B4GALNT1: variants seen among roughly 807,000 people sequenced by gnomAD.
B4GALNT1 encodes beta-1,4-N-acetyl-galactosaminyltransferase 1, also known as beta-1,4 N-acetylgalactosaminyltransferase 1.
A neutral mutation model predicts 55.2 loss-of-function variants in B4GALNT1; 43 were observed. That is an observed-to-expected ratio of 0.78 (90% CI 0.61 to 1.00). The LOEUF (loss-of-function observed/expected upper bound fraction) is 1.00, where lower values mean the gene tolerates loss of function less well. B4GALNT1 is among the 50% of genes least tolerant of loss of function. B4GALNT1 has a pLI of 0.00. For missense variants in B4GALNT1, 664 were observed against 729.7 expected (o/e 0.91, Z 1.04); for synonymous variants, 305 against 311.6 (o/e 0.98, Z 0.22).
rs1315612642 is a variant in B4GALNT1 at position 57,625,565 on chromosome 12, A to T, written c.*1179T>A. ...TGTGGACTTAGGGTCTCAGAGTCTG[A>T]CACCCTCCCCACATAGCCTTGGTGC... On this transcript the variant is annotated 3_prime_UTR_variant, in exon 11 of 11. Transcript: ENST00000341156. 1 of 1,604,274 alleles carries T rather than the reference A, an allele frequency of 6.2e-7. No individual in the cohort carries two copies. Among genetic ancestry groups the T allele is most frequent in the Admixed American group, 1.7e-5 (1 of 59,460 alleles).
chr12:57,629,215 T>A (rs1442690965), intron 6 of B4GALNT1, 69 bp from the exon 7 acceptor site: 2 of 1,311,982 alleles, frequency 1.5e-6, no homozygotes, highest in African/African-American at 3.1e-5. Context: ...CCAATCAATA[T>A]TTAAGTGCCT....
Position 57,632,095 on chromosome 12 carries a change from A to C in B4GALNT1, c.38T>G (p.Leu13Arg). 1 of 1,452,488 alleles carries C rather than the reference A, an allele frequency of 6.9e-7. No homozygotes were observed. Among genetic ancestry groups the C allele is most frequent in the African/African-American group, 1.5e-5 (1 of 68,840 alleles). The allele number at this position is 1,452,488 out of a possible 1,614,324, so 90.0% of individuals were successfully genotyped here. ...CCCCAGCGAGGCGCAGGCGAGCAGA[A>C]GGACCAGAGCGCACAGGGCCCGGCG... ...LGRRALCALV[L>R]LLACASLGLL... Residue 13 changes from leucine to arginine, a missense_variant, in exon 2 of 11, where the codon CTT becomes CGT. Physicochemically the swap from Leu to Arg is moderately radical, Grantham distance 102 (BLOSUM62 -2). Coordinates refer to ENST00000341156, the MANE Select transcript of B4GALNT1 (RefSeq NM_001478.5).
intron 4 of B4GALNT1, 90 bp downstream of exon 4, chr12:57,630,890 T>C (rs1375710840): frequency 7.8e-7 from 1 of 1,278,062 alleles, no homozygotes; most frequent in African/African-American, 1.5e-5. Flanking sequence ...CCACCTCCCA[T>C]TCCAATCATC....
At position 57,630,221 on chromosome 12, in the gene B4GALNT1, G is replaced by T; in HGVS notation, c.643C>A (p.Gln215Lys). 6.2e-7 allele frequency: 1 copy of T among 1,614,220 alleles called. No homozygotes were observed. The highest frequency in any genetic ancestry group is 8.5e-7 in the Non-Finnish European group (1 of 1,180,036). ...DLTLVSPGLD[Q>K]LNRQLQLVTY... is the part of the protein sequence containing the mutation. ...ACCAGTTGTAGTTGCCTGTTGAGTT[G>T]GTCCAGCCCTGGGCTGACAAGGGTG... is the stretch of plus-strand genomic sequence containing the variant. Residue 215 changes from glutamine to lysine, a missense_variant, in exon 6 of 11, where the codon CAA (glutamine) becomes AAA (lysine). Physicochemically the swap from Gln to Lys is moderately conservative, Grantham distance 53. Coordinates refer to ENST00000341156, the MANE Select transcript of B4GALNT1 (RefSeq NM_001478.5).
intron 1 of B4GALNT1, chr12:57,632,469 G>A (rs903306318): frequency 7.3e-6 from 3 of 413,176 alleles, no homozygotes; most frequent in South Asian, 4.6e-5. Context: ...CGCTCTATCA[G>A]GGCAGTGGCA....
rs1405383107 is a variant in B4GALNT1 at position 57,629,088 on chromosome 12, G to A, written c.771C>T (p.Pro257=). ...ACCCAGGTGGGTACAGCCGAGGGTT[G>A]GGCGGGTGTCTTATGCGGATAGTGA... The part of the protein sequence containing the change: ...AAFTIRIRHP[P]NPRLYPPGSL... The change falls in exon 7 of 11, where the codon CCC becomes CCT. Residue 257 remains proline, a synonymous_variant. Transcript: ENST00000341156. 6.3e-7 allele frequency: 1 copy of A among 1,597,796 alleles called. No homozygotes were observed. Among genetic ancestry groups the A allele is most frequent in the East Asian group, 2.2e-5 (1 of 44,500 alleles).
chr12:57,624,977 G>A lies in B4GALNT1; in HGVS notation c.*1767C>T, dbSNP rs762565548. On this transcript the variant is annotated 3_prime_UTR_variant, in exon 11 of 11. Transcript: ENST00000341156. ...GTGGCACCTGGGGCTCGGAGAAGGA[G>A]AAAAGGTGAAGGAGCTTGGTTTAGG... 66 of 1,614,178 alleles carry A rather than the reference G, an allele frequency of 4.1e-5. No individual in the cohort carries two copies. The East Asian group carries it at 9.8e-4, about 24-fold the overall frequency.
chr12:57,627,840 C>G lies in B4GALNT1; in HGVS notation c.1162G>C (p.Glu388Gln). 1.3e-6 allele frequency: 2 copies of G among 1,585,044 alleles called. No individual in the cohort carries two copies. The highest frequency in any genetic ancestry group is 8.6e-7 in the Non-Finnish European group (1 of 1,164,222). ...TAAGTGGTGGCAAAGCCGGAGATCT[C>G]GCGCACCGCGCCCCCCACCTGCAGG... ...PLDLVGGAVR[E>Q]ISGFATTYRQ... The change falls in exon 10 of 11, where the codon GAG (glutamate) becomes CAG (glutamine). Residue 388 changes from glutamate to glutamine, a missense_variant. By Grantham distance (29) the Glu-to-Gln change is conservative. Transcript: ENST00000341156.
In B4GALNT1 at chr12:57,625,879, G is replaced by A; in HGVS notation, c.*865C>T. 9.4e-7 allele frequency: 1 copy of A among 1,059,474 alleles called. No individual in the cohort carries two copies. Among genetic ancestry groups the A allele is most frequent in the Non-Finnish European group, 1.3e-6 (1 of 791,446 alleles). 65.6% of individuals were successfully genotyped at this position (1,059,474 alleles called of 1,614,324 possible). A position where few individuals can be genotyped will look rare whatever the true frequency, so the allele number is the denominator to read the frequency against. On this transcript the variant is annotated 3_prime_UTR_variant, in exon 11 of 11. Transcript: ENST00000341156. Reference sequence around the variant, plus strand: ...TCAGGGAGCCCGGGCTGAGCTATGGGTGAGGAACTGAAGAACTCAGATCCC... The same window carrying A: ...TCAGGGAGCCCGGGCTGAGCTATGGATGAGGAACTGAAGAACTCAGATCCC...
chr12:57,624,063 C>G lies in B4GALNT1; in HGVS notation c.*2681G>C. ...CCAGGTGTTCTGCCAGATGCAGGAA[C>G]TTCCACAACTATGGCACATCAGCCG... On this transcript the variant is annotated 3_prime_UTR_variant, in exon 11 of 11. Transcript: ENST00000341156. 2 of 1,613,850 alleles carry G rather than the reference C, an allele frequency of 1.2e-6. No individual in the cohort carries two copies. Among genetic ancestry groups the G allele is most frequent in the Non-Finnish European group, 1.7e-6 (2 of 1,179,862 alleles).
Position 57,627,677 on chromosome 12 carries a change from C to A in B4GALNT1, c.1325G>T (p.Arg442Leu). The stretch of plus-strand genomic sequence containing the variant: ...ACCGACCTCGCGCACCTTGTCAGTC[C>A]GCGCCAGGAAGAAGTTAACCACGCC... ...TDGVVNFFLA[R>L]TDKVREVGFD... The change falls in exon 10 of 11, where the codon CGG becomes CTG. Residue 442 changes from arginine (R) to leucine (L), a missense_variant. Coordinates refer to ENST00000341156, the MANE Select transcript of B4GALNT1 (RefSeq NM_001478.5). 1.9e-6 allele frequency: 3 copies of A among 1,611,768 alleles called. No individual in the cohort carries two copies. Among genetic ancestry groups the A allele is most frequent in the Non-Finnish European group, 1.7e-6 (2 of 1,178,712 alleles).
intron 7 of B4GALNT1, 38 bp downstream of exon 7, chr12:57,629,010 G>A (rs1565740371): frequency 6.3e-7 from 1 of 1,591,186 alleles, no homozygotes. Flanking sequence ...TCCCCACCAA[G>A]GCTGGTTCTA....
intron 8 of B4GALNT1, 156 bp from the exon 9 acceptor site, chr12:57,628,418 T>G (rs1884983703): frequency 6.1e-6 from 7 of 1,143,202 alleles, no homozygotes; most frequent in Non-Finnish European, 7.3e-6. Context: ...GAAATGCAGA[T>G]CCCCACAGAG....
At position 57,625,813 on chromosome 12, in the gene B4GALNT1, A is replaced by G. The variant is rs144687987; in HGVS notation, c.*931T>C. On this transcript the variant is annotated 3_prime_UTR_variant, in exon 11 of 11. Coordinates refer to ENST00000341156, the MANE Select transcript of B4GALNT1 (RefSeq NM_001478.5). ...AAAGGGTCTGAGGAAGATCAAGAAGAAAAGGGTGGGGACGGAATGAATAGT... is the reference window on the plus strand; with the variant it reads ...AAAGGGTCTGAGGAAGATCAAGAAGGAAAGGGTGGGGACGGAATGAATAGT... 3.2e-5 allele frequency: 47 copies of G among 1,466,702 alleles called. No individual in the cohort carries two copies. In the African/African-American group the frequency reaches 5.3e-4, roughly 17 times the overall value. 90.9% of individuals were successfully genotyped at this position (1,466,702 alleles called of 1,614,324 possible). A position where few individuals can be genotyped will look rare whatever the true frequency, so the allele number is the denominator to read the frequency against.
At chr12:57,627,560 G>C in intron 10 of B4GALNT1, 58 bp downstream of exon 10, 1 of 1,523,402 alleles carries the variant, frequency 6.6e-7, no homozygotes, top group East Asian at 2.3e-5. Flanking sequence ...GCGCGTGACC[G>C]TGCGCCAGCT....
chr12:57,624,109 C>G lies in B4GALNT1; in HGVS notation c.*2635G>C. The G allele has an allele frequency of 6.2e-7, 1 of 1,613,180 alleles. No individual in the cohort carries two copies. Among genetic ancestry groups the G allele is most frequent in the African/African-American group, 1.3e-5 (1 of 74,968 alleles). ...AGCCGAGTGGACTTTGTGAGAAATG[C>G]CATTACCCCCAGATTGCCCCCTCTC... On this transcript the variant is annotated 3_prime_UTR_variant, in exon 11 of 11. Coordinates refer to ENST00000341156, the MANE Select transcript of B4GALNT1 (RefSeq NM_001478.5).
chr12:57,631,574 TAGGG>T (rs1885215148), intron 2 of B4GALNT1, among the ~76,000 whole-genome samples: 1 of 152,114 alleles, frequency 6.6e-6, no homozygotes, highest in African/African-American at 2.4e-5. Flanking sequence ...AGTTGTAGGA[TAGGG>T]CCAATTACCA....
chr12:57,626,971 G>A lies in B4GALNT1; in HGVS notation c.1385-10C>T, dbSNP rs200524912. 1.8e-3 allele frequency: 2,907 copies of A among 1,610,250 alleles called. 7 individuals are homozygous for A. Among genetic ancestry groups the A allele is most frequent in the Middle Eastern group, 3.1e-3 (19 of 6,060 alleles). On this transcript the variant is annotated splice_polypyrimidine_tract_variant and intron_variant, in intron 10 of 10. Coordinates refer to ENST00000341156, the MANE Select transcript of B4GALNT1 (RefSeq NM_001478.5). ...CCATCCAAGAAGAATTCTGGGGGTG[G>A]AGGGGAGTACACAGTGAGGGATCCT...
Position 57,628,012 on chromosome 12 carries a change from G to T in B4GALNT1, c.1143+110C>A. 7 of 1,512,888 alleles carry T rather than the reference G, an allele frequency of 4.6e-6. No homozygotes were observed. In the South Asian group the frequency reaches 8.8e-5, roughly 19 times the overall value. 93.7% of individuals were successfully genotyped at this position (1,512,888 alleles called of 1,614,324 possible). A position where few individuals can be genotyped will look rare whatever the true frequency, so the allele number is the denominator to read the frequency against. On this transcript the variant is annotated intron_variant, in intron 9 of 10. Transcript: ENST00000341156. ...AGACAGTTCCCAGGCCCCACTTCGT[G>T]GTTCTCTCTTTGTCCTAGGGCTGGC...
Sources: gnomAD v4.1 joint callset for allele counts (sites outside exome capture counted in the v4.1 genomes callset) on GRCh38, gnomAD v4.1.1 for gene constraint, MANE v1.5 for transcripts, NCBI Gene and HGNC (gene_info 2026-07-23, HGNC 2026-07-21) for gene names.